Variants in RPS6KA6 observed in about 807,000 individuals in gnomAD.
The protein encoded by RPS6KA6 is ribosomal protein S6 kinase A6.
Under a neutral mutation model 65.4 loss-of-function variants are expected in RPS6KA6, and 27 were observed. The observed-to-expected ratio is 0.41, with a 90% CI of 0.30 to 0.57. The LOEUF is 0.57. Among genes scored for constraint, RPS6KA6 ranks in the 20% least tolerant of loss-of-function variants. The probability of loss-of-function intolerance (pLI) is 0.24; values close to 1 mark genes in which losing one functional copy is unlikely to be tolerated. For missense variants in RPS6KA6, 486 were observed against 555.6 expected (o/e 0.87, Z 1.26); for synonymous variants, 190 against 184.2 (o/e 1.03, Z -0.26).
intron 8 of RPS6KA6, among the ~76,000 whole-genome samples, chrX:84,133,342 T>C (rs2034936407): frequency 8.9e-6 from 1 of 112,308 alleles, no homozygotes; most frequent in African/African-American, 3.2e-5. Flanking sequence ...ATATTTATTA[T>C]TGTACACATT....
chrX:84,094,149 A>T (rs772047934), intron 20 of RPS6KA6, among the ~76,000 whole-genome samples: 2 of 109,991 alleles, frequency 1.8e-5, no homozygotes, highest in Admixed American at 9.9e-5. Flanking sequence ...CTTTAAACAC[A>T]AGATGAAAAT....
At chrX:84,070,446 G>A (rs2033516878) in intron 20 of RPS6KA6, among the ~76,000 whole-genome samples, 2 of 110,411 alleles carry the variant, frequency 1.8e-5, no homozygotes, top group Admixed American at 9.7e-5. Context: ...TAATGCTTGC[G>A]GGGCTTAAAA....
chrX:84,177,757 AAAAGGAATATACAAC>A (rs2147641385), intron 1 of RPS6KA6, among the ~76,000 whole-genome samples: 1 of 112,466 alleles, frequency 8.9e-6, no homozygotes, highest in Non-Finnish European at 1.9e-5. Context: ...TCTTAAAACC[AAAAGGAATATACAAC>A]AATTATTTGT....
intron 6 of RPS6KA6, among the ~76,000 whole-genome samples, chrX:84,143,536 G>T (rs182690226): frequency 1.8e-5 from 2 of 111,206 alleles, no homozygotes; most frequent in African/African-American, 3.3e-5. Context: ...AGAAATTAAA[G>T]ATGACCTAAA....
chrX:84,072,325 A>T (rs888258209), intron 20 of RPS6KA6, among the ~76,000 whole-genome samples: 1 of 112,270 alleles, frequency 8.9e-6, no homozygotes, highest in Non-Finnish European at 1.9e-5. Flanking sequence ...TTTAAAATGC[A>T]GAAAAAGCAT....
chrX:84,073,085 CA>C (rs1341447149), intron 20 of RPS6KA6, among the ~76,000 whole-genome samples: 3 of 111,288 alleles, frequency 2.7e-5, no homozygotes, highest in Non-Finnish European at 5.7e-5. Context: ...TCATTTTGAG[CA>C]AAAAGAACAA....
chrX:84,114,453 A>G (rs1386342241), intron 12 of RPS6KA6, among the ~76,000 whole-genome samples: 1 of 111,212 alleles, frequency 9.0e-6, no homozygotes, highest in East Asian at 2.8e-4. Flanking sequence ...GTGCCACTGC[A>G]TTCCAGCCTG....
intron 16 of RPS6KA6, 111 bp from the exon 17 acceptor site, chrX:84,104,768 G>A: frequency 2.1e-6 from 1 of 486,464 alleles, no homozygotes; most frequent in Non-Finnish European, 3.1e-6. Context: ...TCTAGTATTA[G>A]AAACAAAAAA....
chrX:84,060,958 T>C lies in RPS6KA6; in HGVS notation c.*3319A>G, dbSNP rs6616889. The C allele has an allele frequency of 0.07, 7,798 of 111,992 alleles. 260 individuals are homozygous for C. The highest frequency in any genetic ancestry group is 0.2 in the East Asian group (721 of 3,529). 9.2% of individuals were successfully genotyped at this position (111,992 alleles called of 1,213,427 possible). ...TTTTAGCTGGAAATGTCTGTTCTGA[T>C]AGAATGGATATCCTGATTTGGGGAA... On this transcript the variant is annotated 3_prime_UTR_variant, in exon 22 of 22. Transcript: ENST00000262752.
rs759187311 is a variant in RPS6KA6 at position 84,068,498 on chromosome X, T to C, written c.1972-3387A>G. Reference sequence around the variant, plus strand: ...TGGGCAAAAGCTGGAAGCATTCCCATTGAATACCAGCACAAGACAAGGATG... The same window carrying C: ...TGGGCAAAAGCTGGAAGCATTCCCACTGAATACCAGCACAAGACAAGGATG... On this transcript the variant is annotated intron_variant, in intron 20 of 21. Transcript: ENST00000262752. Among the ~76,000 whole-genome samples, 14 of 111,940 alleles carry C rather than the reference T, an allele frequency of 1.3e-4. 1 individual carries two copies. The South Asian group carries it at 4.1e-3, about 33-fold the overall frequency.
At position 84,063,611 on chromosome X, in the gene RPS6KA6, C is replaced by T. The variant is rs1165386459; in HGVS notation, c.*666G>A. ...AAAAACCTTTATTTCTAAATGAGGC[C>T]ACTTATTATGGATAATATACAGATC... On this transcript the variant is annotated 3_prime_UTR_variant, in exon 22 of 22. Transcript: ENST00000262752. The T allele has an allele frequency of 9.0e-6, 1 of 111,373 alleles. No individual in the cohort carries two copies. Among genetic ancestry groups the T allele is most frequent in the African/African-American group, 3.3e-5 (1 of 30,673 alleles). 9.2% of individuals were successfully genotyped at this position (111,373 alleles called of 1,213,427 possible).
chrX:84,114,481 C>T (rs1174068536), intron 12 of RPS6KA6, among the ~76,000 whole-genome samples: 3 of 110,507 alleles, frequency 2.7e-5, no homozygotes, highest in African/African-American at 6.6e-5. Flanking sequence ...GAGAGAGACG[C>T]TGTCAAAAAA....
In RPS6KA6 at chrX:84,059,764, T is replaced by C. The variant is rs1464051047; in HGVS notation, c.*4513A>G. 2 of 111,994 alleles carry C rather than the reference T, an allele frequency of 1.8e-5. No homozygotes were observed. The highest frequency in any genetic ancestry group is 3.8e-5 in the Non-Finnish European group (2 of 53,226). 9.2% of individuals were successfully genotyped at this position (111,994 alleles called of 1,213,427 possible). A position where few individuals can be genotyped will look rare whatever the true frequency, so the allele number is the denominator to read the frequency against. On this transcript the variant is annotated 3_prime_UTR_variant, in exon 22 of 22. Transcript: ENST00000262752. Reference sequence around the variant, plus strand: ...AAAACAGTCATCCACAGAAGCTCTATTGTCCAGCGTTTAGAAATGTGAATA... The same window carrying C: ...AAAACAGTCATCCACAGAAGCTCTACTGTCCAGCGTTTAGAAATGTGAATA...
chrX:84,117,345 A>T, intron 10 of RPS6KA6, 39 bp downstream of exon 10: 1 of 932,576 alleles, frequency 1.1e-6, no homozygotes, highest in Non-Finnish European at 1.5e-6. Flanking sequence ...AAAGCAAGAG[A>T]TTTTTTTCCC....
Position 84,063,512 on chromosome X carries a change from T to C in RPS6KA6, c.*765A>G, listed in dbSNP as rs945496818. 2 of 110,982 alleles carry C rather than the reference T, an allele frequency of 1.8e-5. No individual in the cohort carries two copies. Among genetic ancestry groups the C allele is most frequent in the African/African-American group, 6.5e-5 (2 of 30,574 alleles). The allele number at this position is 110,982 out of a possible 1,213,427, so 9.1% of individuals were successfully genotyped here. ...CCTATTTATAAGATTACACCAACAG[T>C]ATAAAGCCTTTGGAAAAAAAAAAAG... is the stretch of plus-strand genomic sequence containing the variant. On this transcript the variant is annotated 3_prime_UTR_variant, in exon 22 of 22. Coordinates refer to ENST00000262752, the MANE Select transcript of RPS6KA6 (RefSeq NM_014496.5).
intron 1 of RPS6KA6, among the ~76,000 whole-genome samples, chrX:84,179,855 GA>G (rs1359027455): frequency 5.4e-5 from 6 of 111,871 alleles, no homozygotes; most frequent in African/African-American, 1.6e-4. Context: ...CATTAAGTTT[GA>G]AATGTAATTG....
At chrX:84,081,628 C>A (rs1421811591) in intron 20 of RPS6KA6, among the ~76,000 whole-genome samples, 1 of 111,459 alleles carries the variant, frequency 9.0e-6, no homozygotes. Context: ...AGGCCAGTAT[C>A]ATCCTGAGAG....
In RPS6KA6 at chrX:84,065,215, T is replaced by A. The variant is rs1602364063; in HGVS notation, c.1972-104A>T. 3 of 506,043 alleles carry A rather than the reference T, an allele frequency of 5.9e-6. No homozygotes were observed. In the East Asian group the frequency reaches 1.1e-4, roughly 19 times the overall value. The allele number at this position is 506,043 out of a possible 1,213,427, so 41.7% of individuals were successfully genotyped here. A position where few individuals can be genotyped will look rare whatever the true frequency, so the allele number is the denominator to read the frequency against. ...CATCAATAGCCTTGCAATCTGTTTA[T>A]TTCACCTACATTTATGCAAAGTAAA... is the stretch of plus-strand genomic sequence containing the variant. On this transcript the variant is annotated intron_variant, in intron 20 of 21. Transcript: ENST00000262752.
intron 8 of RPS6KA6, among the ~76,000 whole-genome samples, chrX:84,130,875 T>G (rs2034883645): frequency 9.0e-6 from 1 of 111,472 alleles, no homozygotes; most frequent in African/African-American, 3.3e-5. Flanking sequence ...AGGGGAGAAT[T>G]TGGGGGAGGA....
Sources: allele counts gnomAD v4.1 joint callset (sites outside exome capture counted in the v4.1 genomes callset), GRCh38; gene constraint gnomAD v4.1.1; transcripts MANE v1.5; gene names NCBI Gene and HGNC (gene_info 2026-07-23, HGNC 2026-07-21).